GNAQ: variants seen among roughly 807,000 people sequenced by gnomAD.
GNAQ encodes guanine nucleotide-binding protein G(q) subunit alpha.
GNAQ carries 8 observed loss-of-function variants against 43.9 expected under a neutral mutation model. That is an observed-to-expected ratio of 0.18 (90% confidence interval 0.11 to 0.33). The LOEUF is 0.33. GNAQ is among the 10% of genes least tolerant of loss of function. The probability of loss-of-function intolerance (pLI) is 1.00; values close to 1 mark genes in which losing one functional copy is unlikely to be tolerated. For synonymous variants in GNAQ, 155 were observed against 170.7 expected, an observed-to-expected ratio of 0.91 and a Z score of 0.71; for missense variants, 158 against 450.8, an observed-to-expected ratio of 0.35 and a Z score of 5.88.
At position 78,031,243 on chromosome 9, in the gene GNAQ, A is replaced by T; in HGVS notation, c.-8T>A. 9 of 1,496,754 alleles carry T rather than the reference A, an allele frequency of 6.0e-6. No homozygotes were observed. Among genetic ancestry groups the T allele is most frequent in the Non-Finnish European group, 8.1e-6 (9 of 1,114,288 alleles). 92.7% of individuals were successfully genotyped at this position (1,496,754 alleles called of 1,614,324 possible). ...GATGGACTCCAGAGTCATTCTTCCA[A>T]AGTGCCTCCGCTGCAGCCCCGCCGG... On this transcript the variant is annotated 5_prime_UTR_variant, in exon 1 of 7. In the 5' UTR this introduces an upstream ATG that the reference lacks. Transcript: ENST00000286548.
At chr9:77,908,098 T>A (rs11145614) in intron 2 of GNAQ, among the ~76,000 whole-genome samples, 1 of 151,990 alleles carries the variant, frequency 6.6e-6, no homozygotes, top group Non-Finnish European at 1.5e-5. Flanking sequence ...TTTTGGAGCA[T>A]ATTAAATGAA....
At chr9:77,859,775 C>T (rs1178059893) in intron 2 of GNAQ, among the ~76,000 whole-genome samples, 1 of 152,120 alleles carries the variant, frequency 6.6e-6, no homozygotes, top group Non-Finnish European at 1.5e-5. Context: ...CTAGCATCAG[C>T]CATACAGAAT....
chr9:77,815,527 A>G, intron 3 of GNAQ, 89 bp downstream of exon 3: 1 of 818,514 alleles, frequency 1.2e-6, no homozygotes, highest in East Asian at 2.5e-5. Flanking sequence ...TGACATATAC[A>G]GGACAGAATA....
At chr9:78,001,413 G>C (rs1027052409) in intron 1 of GNAQ, among the ~76,000 whole-genome samples, 2 of 151,626 alleles carry the variant, frequency 1.3e-5, no homozygotes, top group African/African-American at 4.8e-5. Flanking sequence ...AAAAAAAAAA[G>C]AGAAATAGAA....
Position 77,951,218 on chromosome 9 carries a change from C to A in GNAQ, c.137-28873G>T, listed in dbSNP as rs146238358. 4.8e-3 allele frequency among the ~76,000 whole-genome samples: 734 copies of A among 151,536 alleles called. 7 individuals are homozygous for A. The highest frequency in any genetic ancestry group is 0.017 in the African/African-American group (708 of 41,292). On this transcript the variant is annotated intron_variant, in intron 1 of 6. Coordinates refer to ENST00000286548, the MANE Select transcript of GNAQ (RefSeq NM_002072.5). ...GTTCAAGCGATTCTCCTGCCTCAGCCTCCCTAGTAGCTGGAATTACAGGCT... is the reference window on the plus strand; with the variant it reads ...GTTCAAGCGATTCTCCTGCCTCAGCATCCCTAGTAGCTGGAATTACAGGCT...
chr9:77,809,044 C>A (rs918668502), intron 3 of GNAQ, among the ~76,000 whole-genome samples: 1 of 152,160 alleles, frequency 6.6e-6, no homozygotes, highest in Non-Finnish European at 1.5e-5. Flanking sequence ...GGATGTGTTA[C>A]CCTATCTCTG....
chr9:77,814,063 G>A (rs919315496), intron 3 of GNAQ, among the ~76,000 whole-genome samples: 5 of 152,134 alleles, frequency 3.3e-5, no homozygotes, highest in Non-Finnish European at 4.4e-5. Context: ...AATGATGGAT[G>A]AGACAGCAGC....
intron 5 of GNAQ, among the ~76,000 whole-genome samples, chr9:77,754,542 C>T (rs1160190971): frequency 6.6e-6 from 1 of 152,174 alleles, no homozygotes; most frequent in Non-Finnish European, 1.5e-5. Context: ...CATAATCACA[C>T]TCTTCCTTAG....
intron 1 of GNAQ, among the ~76,000 whole-genome samples, chr9:77,973,883 T>A (rs573232275): frequency 3.0e-4 from 46 of 152,242 alleles, no homozygotes; most frequent in Non-Finnish European, 2.9e-4. Context: ...AAATTTTTTT[T>A]AAAAAATTGA....
At chr9:78,025,868 A>G (rs1182285259) in intron 1 of GNAQ, among the ~76,000 whole-genome samples, 10 of 152,208 alleles carry the variant, frequency 6.6e-5, no homozygotes, top group Non-Finnish European at 1.0e-4. Flanking sequence ...TTTCTTTTCA[A>G]GTGTAAGTGT....
At chr9:77,811,055 T>C (rs1826913476) in intron 3 of GNAQ, among the ~76,000 whole-genome samples, 1 of 152,140 alleles carries the variant, frequency 6.6e-6, no homozygotes, top group South Asian at 2.1e-4. Flanking sequence ...AGAGAACTGC[T>C]ACTACACTAC....
intron 4 of GNAQ, among the ~76,000 whole-genome samples, chr9:77,795,476 C>T (rs367791425): frequency 1.3e-5 from 2 of 152,122 alleles, no homozygotes. Context: ...AGAGAATGAG[C>T]GGTTTAGGTA....
intron 6 of GNAQ, among the ~76,000 whole-genome samples, chr9:77,725,050 CT>C (rs1825376889): frequency 6.6e-6 from 1 of 151,804 alleles, no homozygotes; most frequent in African/African-American, 2.4e-5. Flanking sequence ...TGATTTTGTA[CT>C]TACTCTATTT....
chr9:77,999,748 C>T (rs1489050125), intron 1 of GNAQ, among the ~76,000 whole-genome samples: 3 of 152,164 alleles, frequency 2.0e-5, no homozygotes, highest in African/African-American at 7.2e-5. Flanking sequence ...ATGATTTGTT[C>T]TTACTGAATC....
chr9:77,885,984 C>T (rs1828298300), intron 2 of GNAQ, among the ~76,000 whole-genome samples: 1 of 69,868 alleles, frequency 1.4e-5, no homozygotes, highest in South Asian at 4.8e-4. Flanking sequence ...AAAGGCAGGA[C>T]CTTTTTTTTG....
chr9:77,926,995 A>G (rs1454692774), intron 1 of GNAQ, among the ~76,000 whole-genome samples: 1 of 152,200 alleles, frequency 6.6e-6, no homozygotes, highest in African/African-American at 2.4e-5. Context: ...CAGAACAAAC[A>G]TCAAACACAA....
intron 5 of GNAQ, among the ~76,000 whole-genome samples, chr9:77,738,348 G>A (rs1237089139): frequency 1.3e-5 from 2 of 152,074 alleles, no homozygotes; most frequent in African/African-American, 4.8e-5. Flanking sequence ...ACTATGGAGA[G>A]TAAATTTTAA....
chr9:77,918,109 T>C (rs1306089552), intron 2 of GNAQ, among the ~76,000 whole-genome samples: 2 of 152,078 alleles, frequency 1.3e-5, no homozygotes, highest in African/African-American at 4.8e-5. Flanking sequence ...TACTCTGGGG[T>C]GGCATTCCAA....
At chr9:77,802,252 C>T (rs1012099255) in intron 3 of GNAQ, among the ~76,000 whole-genome samples, 1 of 152,028 alleles carries the variant, frequency 6.6e-6, no homozygotes, top group African/African-American at 2.4e-5. Flanking sequence ...CCCGCATAAC[C>T]CCCAATCCCA....
Sources: gnomAD v4.1 joint callset for allele counts (sites outside exome capture counted in the v4.1 genomes callset) on GRCh38, gnomAD v4.1.1 for gene constraint, MANE v1.5 for transcripts, NCBI Gene and HGNC (gene_info 2026-07-23, HGNC 2026-07-21) for gene names.